PTPRM: variants seen among roughly 807,000 people sequenced by gnomAD.
PTPRM encodes the protein receptor-type tyrosine-protein phosphatase mu.
Under a neutral mutation model 186.7 loss-of-function variants are expected in PTPRM, and 47 were observed. The observed-to-expected ratio is 0.25, with a 90% confidence interval of 0.20 to 0.32. The LOEUF (loss-of-function observed/expected upper bound fraction) is 0.32, where lower values mean the gene tolerates loss of function less well. Ranked by LOEUF, PTPRM falls within the 10% of genes least tolerant of loss-of-function variation. PTPRM has a pLI of 1.00. For missense variants in PTPRM, 1,494 were observed against 1,865.0 expected, an observed-to-expected ratio of 0.80 and a Z score of 3.66; for synonymous variants, 668 against 674.9, an observed-to-expected ratio of 0.99 and a Z score of 0.16.
intron 1 of PTPRM, among the ~76,000 whole-genome samples, chr18:7,667,642 A>G (rs1216034353): frequency 6.6e-6 from 1 of 152,250 alleles, no homozygotes; most frequent in Admixed American, 6.5e-5. Flanking sequence ...AACATATTTC[A>G]GAAAGAGGAT....
At chr18:8,256,958 A>G (rs910674905) in intron 19 of PTPRM, among the ~76,000 whole-genome samples, 31 of 152,188 alleles carry the variant, frequency 2.0e-4, no homozygotes, top group African/African-American at 7.5e-4. Context: ...GTTTAATTTT[A>G]CCAATCATAC....
At chr18:8,306,124 C>T (rs1288114853) in intron 20 of PTPRM, among the ~76,000 whole-genome samples, 1 of 151,954 alleles carries the variant, frequency 6.6e-6, no homozygotes, top group African/African-American at 2.4e-5. Flanking sequence ...CTCGAACTCC[C>T]GACCTGAGGT....
intron 1 of PTPRM, among the ~76,000 whole-genome samples, chr18:7,624,827 G>A (rs1188884915): frequency 6.6e-6 from 1 of 152,326 alleles, no homozygotes; most frequent in East Asian, 1.9e-4. Context: ...TACTGCATGA[G>A]ATTGTTGCGA....
chr18:7,730,914 T>A (rs2144397342), intron 1 of PTPRM, among the ~76,000 whole-genome samples: 1 of 152,306 alleles, frequency 6.6e-6, no homozygotes, highest in Non-Finnish European at 1.5e-5. Context: ...ATTGATCTGA[T>A]GGAGATGGAT....
intron 14 of PTPRM, among the ~76,000 whole-genome samples, chr18:8,228,767 C>T (rs960899314): frequency 1.2e-4 from 18 of 151,810 alleles, no homozygotes; most frequent in African/African-American, 3.4e-4. Flanking sequence ...GCAGGAGAAT[C>T]GCTTGAACCT....
At chr18:7,670,694 G>A (rs976611350) in intron 1 of PTPRM, among the ~76,000 whole-genome samples, 2 of 152,006 alleles carry the variant, frequency 1.3e-5, no homozygotes, top group Admixed American at 1.3e-4. Flanking sequence ...TCGCTCTTTT[G>A]TATGTTGCAA....
intron 7 of PTPRM, among the ~76,000 whole-genome samples, chr18:7,982,409 T>C (rs2147465732): frequency 6.6e-6 from 1 of 152,006 alleles, no homozygotes; most frequent in East Asian, 1.9e-4. Context: ...CCTCTCCCAC[T>C]GGAAGGTCTT....
chr18:7,860,854 T>A (rs536085627), intron 2 of PTPRM, among the ~76,000 whole-genome samples: 1 of 152,362 alleles, frequency 6.6e-6, no homozygotes, highest in Admixed American at 6.5e-5. Context: ...CCTGTCTTTG[T>A]AGACCATCCC....
At chr18:7,701,302 CAAA>C (rs749852978) in intron 1 of PTPRM, among the ~76,000 whole-genome samples, 6 of 87,250 alleles carry the variant, frequency 6.9e-5, no homozygotes, top group Admixed American at 1.3e-4. Flanking sequence ...GACCGTATCT[CAAA>C]AAAAAAAAAA....
intron 14 of PTPRM, among the ~76,000 whole-genome samples, chr18:8,146,514 T>C (rs2092891206): frequency 2.0e-5 from 3 of 150,744 alleles, no homozygotes; most frequent in African/African-American, 4.9e-5. Context: ...TTTTTTTTCT[T>C]GTAAATTTGT....
At chr18:7,584,815 T>C (rs1345857346) in intron 1 of PTPRM, among the ~76,000 whole-genome samples, 4 of 152,186 alleles carry the variant, frequency 2.6e-5, no homozygotes, top group Non-Finnish European at 5.9e-5. Context: ...CTGGACGAGG[T>C]ATCTGTGCCT....
At chr18:7,796,395 C>T (rs638251) in intron 2 of PTPRM, among the ~76,000 whole-genome samples, 101,508 of 152,092 alleles carry the variant, frequency 0.67, 35,110 homozygotes, top group East Asian at 0.98. Flanking sequence ...CTTGCATTAC[C>T]ATGCAAACTT....
At chr18:7,829,969 T>G (rs1333389097) in intron 2 of PTPRM, among the ~76,000 whole-genome samples, 1 of 152,200 alleles carries the variant, frequency 6.6e-6, no homozygotes, top group African/African-American at 2.4e-5. Context: ...TAACAAATAT[T>G]GTCCTATAGT....
intron 1 of PTPRM, among the ~76,000 whole-genome samples, chr18:7,674,954 C>G (rs563991293): frequency 2.6e-5 from 4 of 152,146 alleles, no homozygotes; most frequent in Non-Finnish European, 5.9e-5. Context: ...CTAATTTAGG[C>G]GCCGACTCTT....
intron 14 of PTPRM, among the ~76,000 whole-genome samples, chr18:8,202,560 AG>A (rs2093872234): frequency 6.6e-6 from 1 of 151,250 alleles, no homozygotes; most frequent in East Asian, 1.9e-4. Flanking sequence ...TCACATTTTT[AG>A]TTCTTTCCCA....
chr18:8,389,957 C>G (rs548795886), intron 31 of PTPRM, among the ~76,000 whole-genome samples: 17 of 152,250 alleles, frequency 1.1e-4, no homozygotes, highest in African/African-American at 4.1e-4. Context: ...TATGTGTCTC[C>G]CAGCTAATAA....
intron 2 of PTPRM, among the ~76,000 whole-genome samples, chr18:7,885,234 C>G (rs2048725960): frequency 1.3e-5 from 2 of 152,140 alleles, no homozygotes; most frequent in Admixed American, 1.3e-4. Flanking sequence ...AAAATATCAT[C>G]TGAGGTTTGT....
At position 8,172,105 on chromosome 18, in the gene PTPRM, A is replaced by G. The variant is rs2093409944; in HGVS notation, c.2300+28326A>G. On this transcript the variant is annotated intron_variant, in intron 14 of 32. Coordinates refer to ENST00000580170, the MANE Select transcript of PTPRM (RefSeq NM_001105244.2). Reference sequence around the variant, plus strand: ...TTGCTGTATTCTCGTTTTCAGCAATATAAAGACATACCCGATACTGAGCAG... The same window carrying G: ...TTGCTGTATTCTCGTTTTCAGCAATGTAAAGACATACCCGATACTGAGCAG... Among the ~76,000 whole-genome samples, 3 of 152,170 alleles carry G rather than the reference A, an allele frequency of 2.0e-5. No homozygotes were observed. In the South Asian group the frequency reaches 6.2e-4, roughly 32 times the overall value.
intron 1 of PTPRM, among the ~76,000 whole-genome samples, chr18:7,606,246 G>A (rs1187771778): frequency 6.6e-6 from 1 of 152,096 alleles, no homozygotes; most frequent in Non-Finnish European, 1.5e-5. Context: ...CCTGGGACTG[G>A]TAATTTAGGG....
Sources: gnomAD v4.1 joint callset for allele counts (sites outside exome capture counted in the v4.1 genomes callset) on GRCh38, gnomAD v4.1.1 for gene constraint, MANE v1.5 for transcripts, NCBI Gene and HGNC (gene_info 2026-07-23, HGNC 2026-07-21) for gene names.